Variants in GEMIN5 observed in about 807,000 individuals in gnomAD.
GEMIN5 encodes gem nuclear organelle associated protein 5.
A neutral mutation model predicts 176.9 loss-of-function variants in GEMIN5; 124 were observed. The observed-to-expected ratio is 0.70, with a 90% CI of 0.61 to 0.81. The LOEUF (loss-of-function observed/expected upper bound fraction) is 0.81, where lower values mean the gene tolerates loss of function less well. Among genes scored for constraint, GEMIN5 ranks in the 40% least tolerant of loss-of-function variants. GEMIN5 has a pLI of 0.00. For synonymous variants in GEMIN5, 673 were observed against 665.2 expected (o/e 1.01, Z -0.18); for missense variants, 1,843 against 1,814.6 (o/e 1.02, Z -0.28).
chr5:154,901,326 G>T lies in GEMIN5; in HGVS notation c.3014+13C>A. On this transcript the variant is annotated intron_variant, in intron 21 of 27. Transcript: ENST00000285873. Reference sequence around the variant, plus strand: ...ATGTCCAAGTATTATCCCAACTCTAGGACCACACAGACCTGTAAAAATGGT... The same window carrying T: ...ATGTCCAAGTATTATCCCAACTCTATGACCACACAGACCTGTAAAAATGGT... The T allele has an allele frequency of 1.2e-6, 2 of 1,610,638 alleles. No homozygotes were observed. Among genetic ancestry groups the T allele is most frequent in the South Asian group, 1.1e-5 (1 of 90,788 alleles).
chr5:154,904,312 G>A (rs1763525997), intron 18 of GEMIN5, among the ~76,000 whole-genome samples, 195 bp downstream of exon 18: 2 of 152,162 alleles, frequency 1.3e-5, no homozygotes, highest in Admixed American at 6.5e-5. Context: ...CAGTGCTGAC[G>A]GTGGGTCACA....
chr5:154,904,479 G>A lies in GEMIN5; in HGVS notation c.2632+28C>T, dbSNP rs1763529231. 3 of 1,605,464 alleles carry A rather than the reference G, an allele frequency of 1.9e-6. No homozygotes were observed. In the African/African-American group the frequency reaches 4.0e-5, roughly 21 times the overall value. ...TATATACCAGTCCCGGAAGACTATG[G>A]ATGGGCCAAGGAAGTACATTTTTGT... On this transcript the variant is annotated intron_variant, in intron 18 of 27. Coordinates refer to ENST00000285873, the MANE Select transcript of GEMIN5 (RefSeq NM_015465.5).
At chr5:154,897,797 T>C (rs962352994) in intron 23 of GEMIN5, among the ~76,000 whole-genome samples, 1 of 152,148 alleles carries the variant, frequency 6.6e-6, no homozygotes, top group Non-Finnish European at 1.5e-5. Flanking sequence ...TAGAGTTCCA[T>C]GATTTCTGTT....
rs761276238 is a variant in GEMIN5, at chr5:154,904,603, G to A, written c.2536C>T (p.Arg846Cys). 164 of 1,611,108 alleles carry A rather than the reference G, an allele frequency of 1.0e-4. No individual in the cohort carries two copies. The highest frequency in any genetic ancestry group is 1.3e-4 in the Non-Finnish European group (157 of 1,177,474). Residue 846 changes from arginine to cysteine, a missense_variant, in exon 18 of 28, where the codon CGT (arginine) becomes TGT (cysteine). Arg to Cys is a radical substitution (Grantham distance 180, BLOSUM62 -3). Coordinates refer to ENST00000285873, the MANE Select transcript of GEMIN5 (RefSeq NM_015465.5). The stretch of plus-strand genomic sequence containing the variant: ...CTTGTACTCAGGGGAAGCAAGGAAC[G>A]AGCTTTTCTCTTCTTGATTAAGGTT... ...PETLIKKRKA[R>C]SLLPLSTSLD...
chr5:154,935,794 G>C (rs13182236), intron 3 of GEMIN5, 47 bp downstream of exon 3: 3 of 1,359,260 alleles, frequency 2.2e-6, no homozygotes, highest in Non-Finnish European at 3.1e-6. Flanking sequence ...TGCAAAACAC[G>C]ATCATAAACA....
intron 27 of GEMIN5, 110 bp from the exon 28 acceptor site, chr5:154,888,487 A>T: frequency 3.6e-6 from 3 of 829,362 alleles, no homozygotes; most frequent in Non-Finnish European, 5.7e-6. Context: ...CTTCTTGGAC[A>T]CAGCTGAGCC....
chr5:154,938,182 T>A lies in GEMIN5; in HGVS notation c.-49A>T, dbSNP rs751402964. On this transcript the variant is annotated 5_prime_UTR_variant, in exon 1 of 28. Coordinates refer to ENST00000285873, the MANE Select transcript of GEMIN5 (RefSeq NM_015465.5). ...AGAAGCTGCCACAGCCGACCGCTCG[T>A]AGCCTCACGCCTTAGGTAGGGAGCG... is the stretch of plus-strand genomic sequence containing the variant. The A allele has an allele frequency of 9.2e-6, 12 of 1,304,084 alleles. No homozygotes were observed. The highest frequency in any genetic ancestry group is 1.2e-5 in the Non-Finnish European group (12 of 1,013,946). The allele number at this position is 1,304,084 out of a possible 1,614,324, so 80.8% of individuals were successfully genotyped here.
At chr5:154,898,360 G>T in intron 23 of GEMIN5, 80 bp downstream of exon 23, 6 of 1,268,522 alleles carry the variant, frequency 4.7e-6, no homozygotes, top group Non-Finnish European at 5.7e-6. Flanking sequence ...TGTGCAACTG[G>T]GTTATTAACT....
At chr5:154,907,542 C>T (rs1763592508) in intron 16 of GEMIN5, 49 bp downstream of exon 16, 1 of 1,412,248 alleles carries the variant, frequency 7.1e-7, no homozygotes, top group African/African-American at 1.4e-5. Context: ...GCTTAGTTTC[C>T]CAGACACGAC....
chr5:154,931,295 T>G (rs540256893), intron 5 of GEMIN5, among the ~76,000 whole-genome samples, 163 bp downstream of exon 5: 1 of 152,218 alleles, frequency 6.6e-6, no homozygotes, highest in Non-Finnish European at 1.5e-5. Flanking sequence ...GTTGAGAGAA[T>G]AGAGAGTCTA....
Position 154,921,364 on chromosome 5 carries a change from G to A in GEMIN5, c.1441C>T (p.Pro481Ser). The change falls in exon 10 of 28, where the codon CCA (proline) becomes TCA (serine). Residue 481 changes from proline (P) to serine (S), a missense_variant. Physicochemically the swap from Pro to Ser is moderately conservative, Grantham distance 74. Coordinates refer to ENST00000285873, the MANE Select transcript of GEMIN5 (RefSeq NM_015465.5). Reference sequence around the variant, plus strand: ...TTACCAAGTGACATGGGGGGTACTGGTGGCCCCCAGGCTAAAGTATATACA... The same window carrying A: ...TTACCAAGTGACATGGGGGGTACTGATGGCCCCCAGGCTAAAGTATATACA... ...KTVYTLAWGP[P>S]VPPMSLGGEG... 2 of 1,446,348 alleles carry A rather than the reference G, an allele frequency of 1.4e-6. 1 individual carries two copies. The highest frequency in any genetic ancestry group is 1.9e-6 in the Non-Finnish European group (2 of 1,034,476). 89.6% of individuals were successfully genotyped at this position (1,446,348 alleles called of 1,614,324 possible). A position where few individuals can be genotyped will look rare whatever the true frequency, so the allele number is the denominator to read the frequency against.
chr5:154,920,702 T>TA, intron 10 of GEMIN5, among the ~76,000 whole-genome samples: 1 of 152,364 alleles, frequency 6.6e-6, no homozygotes, highest in East Asian at 1.9e-4. Flanking sequence ...TGAGTTCTGA[T>TA]AAATCTACTT....
At chr5:154,895,511 A>G (rs1340416259) in intron 24 of GEMIN5, among the ~76,000 whole-genome samples, 3 of 152,180 alleles carry the variant, frequency 2.0e-5, no homozygotes, top group African/African-American at 7.2e-5. Context: ...GTGGCGAGCT[A>G]GGGAAGGAGT....
chr5:154,893,215 G>A (rs897979923), intron 24 of GEMIN5, among the ~76,000 whole-genome samples: 2 of 150,554 alleles, frequency 1.3e-5, no homozygotes, highest in African/African-American at 4.9e-5. Context: ...CACTTTGGGA[G>A]GCTGAGGCGG....
At chr5:154,933,502 G>A (rs544129269) in intron 3 of GEMIN5, among the ~76,000 whole-genome samples, 1 of 152,182 alleles carries the variant, frequency 6.6e-6, no homozygotes, top group South Asian at 2.1e-4. Context: ...TGCTATTAAT[G>A]TTCATGTACA....
intron 16 of GEMIN5, among the ~76,000 whole-genome samples, 192 bp downstream of exon 16, chr5:154,907,399 C>A (rs906133043): frequency 1.3e-5 from 2 of 152,002 alleles, no homozygotes; most frequent in African/African-American, 4.8e-5. Context: ...CCACAAACAT[C>A]CACTAGAACC....
intron 20 of GEMIN5, 139 bp from the exon 21 acceptor site, chr5:154,901,625 T>G (rs1431433607): frequency 1.5e-6 from 1 of 661,698 alleles, no homozygotes; most frequent in East Asian, 2.7e-5. Flanking sequence ...GCTGCCATTA[T>G]GGATCATCTG....
chr5:154,902,751 A>C, intron 19 of GEMIN5, 75 bp from the exon 20 acceptor site: 1 of 1,457,534 alleles, frequency 6.9e-7, no homozygotes, highest in East Asian at 2.3e-5. Flanking sequence ...AAGAAAGGCA[A>C]GATAGAAGAG....
rs535965211 is a variant in GEMIN5, at chr5:154,892,253, C to T, written c.3760+134G>A. 1.4e-5 allele frequency: 10 copies of T among 739,236 alleles called. 1 individual carries two copies. In the South Asian group the frequency reaches 2.0e-4, roughly 15 times the overall value. The allele number at this position is 739,236 out of a possible 1,614,324, so 45.8% of individuals were successfully genotyped here. A position where few individuals can be genotyped will look rare whatever the true frequency, so the allele number is the denominator to read the frequency against. On this transcript the variant is annotated intron_variant, in intron 25 of 27. Transcript: ENST00000285873. Reference sequence around the variant, plus strand: ...TCTTAAAAGCTTCGGTAAGAGAATCCAAACTTTCTACTAAAATGACACAGC... The same window carrying T: ...TCTTAAAAGCTTCGGTAAGAGAATCTAAACTTTCTACTAAAATGACACAGC...
Sources: allele counts gnomAD v4.1 joint callset (sites outside exome capture counted in the v4.1 genomes callset), GRCh38; gene constraint gnomAD v4.1.1; transcripts MANE v1.5; gene names NCBI Gene and HGNC (gene_info 2026-07-23, HGNC 2026-07-21).